Variants in PHF20 observed in about 807,000 individuals in gnomAD.
PHF20 encodes glioma-expressed antigen 2.
Under a neutral mutation model 113.5 loss-of-function variants are expected in PHF20, and 23 were observed. That is an observed-to-expected ratio of 0.20 (90% CI 0.15 to 0.29). PHF20 has a LOEUF of 0.29. Among genes scored for constraint, PHF20 ranks in the 10% least tolerant of loss-of-function variants. The pLI is 1.00. For synonymous variants in PHF20, 434 were observed against 457.3 expected (o/e 0.95, Z 0.65); for missense variants, 943 against 1,219.6 (o/e 0.77, Z 3.38).
chr20:35,890,221 G>T (rs1050878537), intron 9 of PHF20, among the ~76,000 whole-genome samples: 10 of 150,694 alleles, frequency 6.6e-5, no homozygotes, highest in African/African-American at 2.0e-4. Flanking sequence ...TAGAGATGGG[G>T]GTCTCACTAT....
At chr20:35,839,409 AAAG>A (rs1261702718) in intron 2 of PHF20, among the ~76,000 whole-genome samples, 1 of 151,708 alleles carries the variant, frequency 6.6e-6, no homozygotes, top group Non-Finnish European at 1.5e-5. Context: ...AAAAAAAAAA[AAAG>A]AAAGTGGTTT....
intron 1 of PHF20, among the ~76,000 whole-genome samples, chr20:35,780,663 C>T (rs2041275122): frequency 6.6e-6 from 1 of 150,522 alleles, no homozygotes. Flanking sequence ...TCTCCTGCCT[C>T]AGCCTCCTGA....
At chr20:35,840,291 A>G (rs1315493056) in intron 2 of PHF20, among the ~76,000 whole-genome samples, 1 of 152,178 alleles carries the variant, frequency 6.6e-6, no homozygotes, top group East Asian at 1.9e-4. Context: ...ATACCTTTAT[A>G]TAGTTGAAAT....
chr20:35,926,284 T>C (rs2055631879), intron 13 of PHF20, among the ~76,000 whole-genome samples: 2 of 113,234 alleles, frequency 1.8e-5, no homozygotes, highest in Non-Finnish European at 3.3e-5. Flanking sequence ...GTGGCCCAGG[T>C]GGGAGTGCAG....
chr20:35,894,605 A>G (rs1275824860), intron 9 of PHF20, among the ~76,000 whole-genome samples: 2 of 152,238 alleles, frequency 1.3e-5, no homozygotes, highest in African/African-American at 4.8e-5. Context: ...TTGAATAGTC[A>G]TAGTAGATAA....
At chr20:35,870,814 T>C (rs1440759205) in intron 7 of PHF20, 141 bp from the exon 8 acceptor site, 1 of 552,424 alleles carries the variant, frequency 1.8e-6, no homozygotes, top group Non-Finnish European at 3.1e-6. Context: ...TAGTAAAGGG[T>C]ATTTCCTTTT....
chr20:35,847,281 G>A, intron 3 of PHF20, 69 bp from the exon 4 acceptor site: 1 of 997,286 alleles, frequency 1.0e-6, no homozygotes, highest in South Asian at 1.5e-5. Flanking sequence ...TATGAGATCT[G>A]GTATGTCCTG....
At chr20:35,779,937 A>G (rs2041252420) in intron 1 of PHF20, among the ~76,000 whole-genome samples, 1 of 152,206 alleles carries the variant, frequency 6.6e-6, no homozygotes, top group Admixed American at 6.5e-5. Flanking sequence ...TTTTTGGAGC[A>G]CTGTCTTAAA....
At chr20:35,839,668 G>A (rs1029094333) in intron 2 of PHF20, among the ~76,000 whole-genome samples, 7 of 152,130 alleles carry the variant, frequency 4.6e-5, no homozygotes, top group South Asian at 4.1e-4. Flanking sequence ...GCTGTCATTT[G>A]GATTGGAGTA....
intron 13 of PHF20, among the ~76,000 whole-genome samples, chr20:35,926,926 G>T (rs1043709543): frequency 2.0e-5 from 3 of 152,170 alleles, no homozygotes; most frequent in African/African-American, 7.2e-5. Context: ...GTTTGGAATT[G>T]CTTGAAGTGC....
intron 4 of PHF20, among the ~76,000 whole-genome samples, chr20:35,854,110 T>G (rs1025836290): frequency 6.6e-6 from 1 of 152,186 alleles, no homozygotes; most frequent in African/African-American, 2.4e-5. Context: ...CTGTGGTAGA[T>G]TTCATGAGCA....
chr20:35,786,950 A>G (rs567801257), intron 1 of PHF20, among the ~76,000 whole-genome samples: 2 of 149,648 alleles, frequency 1.3e-5, no homozygotes, highest in South Asian at 4.2e-4. Flanking sequence ...TCTTGAATCT[A>G]TATACCCATT....
chr20:35,823,632 C>CAAAAAAA (rs34177764), intron 2 of PHF20, among the ~76,000 whole-genome samples: 4 of 53,758 alleles, frequency 7.4e-5, no homozygotes, highest in Non-Finnish European at 1.2e-4. Flanking sequence ...GACCCTGTCT[C>CAAAAAAA]AAAAAAAAAA....
intron 2 of PHF20, among the ~76,000 whole-genome samples, chr20:35,817,751 G>A (rs755483513): frequency 6.6e-6 from 1 of 151,934 alleles, no homozygotes; most frequent in African/African-American, 2.4e-5. Context: ...AGCCCAGATC[G>A]TGCCACTGCA....
chr20:35,784,637 A>T (rs1255993420), intron 1 of PHF20, among the ~76,000 whole-genome samples: 1 of 151,640 alleles, frequency 6.6e-6, no homozygotes, highest in Non-Finnish European at 1.5e-5. Context: ...GAGTTTCACC[A>T]TGTTGGCCAG....
intron 1 of PHF20, among the ~76,000 whole-genome samples, chr20:35,787,326 T>A (rs113526528): frequency 0.05 from 7,269 of 146,690 alleles, 213 homozygotes; most frequent in African/African-American, 0.093. Flanking sequence ...ATTACAGGGA[T>A]GCACCACCAT....
At chr20:35,884,548 T>G (rs2054692137) in intron 9 of PHF20, among the ~76,000 whole-genome samples, 1 of 152,214 alleles carries the variant, frequency 6.6e-6, no homozygotes, top group African/African-American at 2.4e-5. Context: ...GTGGTTCCTT[T>G]CCTTCCACTT....
intron 9 of PHF20, among the ~76,000 whole-genome samples, chr20:35,877,663 T>TA: frequency 6.6e-6 from 1 of 151,934 alleles, no homozygotes; most frequent in East Asian, 1.9e-4. Context: ...CTGCAGCCTC[T>TA]AACTCCTGGT....
intron 2 of PHF20, among the ~76,000 whole-genome samples, chr20:35,819,270 T>C (rs376759090): frequency 6.6e-6 from 1 of 152,102 alleles, no homozygotes; most frequent in East Asian, 1.9e-4. Flanking sequence ...ATAGATGAAC[T>C]AAAATCTGAG....
Sources: gnomAD v4.1 joint callset for allele counts (sites outside exome capture counted in the v4.1 genomes callset) on GRCh38, gnomAD v4.1.1 for gene constraint, MANE v1.5 for transcripts, NCBI Gene and HGNC (gene_info 2026-07-23, HGNC 2026-07-21) for gene names.